The following PBRM1 variants were observed in gnomAD, a reference collection of about 807,000 sequenced individuals.
PBRM1 encodes the protein polybromo 1.
In PBRM1, 27 loss-of-function variants were observed where a neutral mutation model predicts 194.5. The observed-to-expected ratio is 0.14, with a 90% CI of 0.10 to 0.19. The LOEUF (loss-of-function observed/expected upper bound fraction) is 0.19. Ranked by LOEUF, PBRM1 falls within the 10% of genes least tolerant of loss-of-function variation. The probability of loss-of-function intolerance (pLI) is 1.00; values close to 1 mark genes in which losing one functional copy is unlikely to be tolerated. For synonymous variants in PBRM1, 655 were observed against 693.2 expected, an observed-to-expected ratio of 0.94 and a Z score of 0.87; for missense variants, 1,466 against 2,077.2, an observed-to-expected ratio of 0.71 and a Z score of 5.72.
intron 19 of PBRM1, 55 bp from the exon 22 acceptor site, chr3:52,586,743 TC>T: frequency 3.8e-5 from 9 of 236,656 alleles, no homozygotes; most frequent in South Asian, 1.7e-4. Flanking sequence ...TTTCTGAAAA[TC>T]AATCAAAAAA....
intron 14 of PBRM1, among the ~76,000 whole-genome samples, chr3:52,616,840 AATG>A (rs1429264702): frequency 3.3e-5 from 5 of 152,302 alleles, no homozygotes; most frequent in African/African-American, 1.2e-4. Flanking sequence ...GGATCGTAGT[AATG>A]ATGATGATGA....
intron 11 of PBRM1, 56 bp downstream of exon 12, chr3:52,634,546 G>A: frequency 8.8e-7 from 1 of 1,133,870 alleles, no homozygotes; most frequent in East Asian, 2.4e-5. Context: ...TACATTATGT[G>A]CAGGCTCAGC....
chr3:52,635,734 T>A (rs904334323), intron 10 of PBRM1, among the ~76,000 whole-genome samples: 4 of 152,238 alleles, frequency 2.6e-5, no homozygotes, highest in African/African-American at 9.6e-5. Context: ...TGAAATGTGC[T>A]TTCTTCAGAG....
chr3:52,648,490 C>T (rs900104724), intron 6 of PBRM1, 48 bp from the exon 8 acceptor site: 2 of 987,070 alleles, frequency 2.0e-6, no homozygotes, highest in African/African-American at 3.3e-5. Context: ...GAGAGTTCAT[C>T]AGTACAACCT....
chr3:52,575,563 G>A (rs2089291152), intron 22 of PBRM1, among the ~76,000 whole-genome samples: 1 of 112,890 alleles, frequency 8.9e-6, no homozygotes, highest in Admixed American at 1.1e-4. Context: ...ATCCAGGCTA[G>A]AGTGCAGTGG....
intron 20 of PBRM1, among the ~76,000 whole-genome samples, chr3:52,582,080 T>C (rs1164597504): frequency 6.0e-5 from 9 of 148,764 alleles, no homozygotes; most frequent in African/African-American, 2.2e-4. Flanking sequence ...CCGTCTCTAC[T>C]AAAAATACAA....
intron 5 of PBRM1, 102 bp from the exon 7 acceptor site, chr3:52,651,912 G>A (rs868340396): frequency 2.8e-6 from 2 of 715,394 alleles, no homozygotes; most frequent in Middle Eastern, 3.1e-4. Flanking sequence ...AACCAGTGAA[G>A]CAGCTTTGTG....
chr3:52,624,773 C>T (rs1336578558), intron 13 of PBRM1, 124 bp downstream of exon 15: 2 of 656,292 alleles, frequency 3.0e-6, no homozygotes, highest in Non-Finnish European at 2.7e-6. Flanking sequence ...ATAAAATAAA[C>T]TGGCACCCCA....
intron 1 of PBRM1, 94 bp downstream of exon 2, chr3:52,679,480 G>C (rs2097167639): frequency 9.1e-7 from 1 of 1,098,744 alleles, no homozygotes; most frequent in South Asian, 1.6e-5. Flanking sequence ...TAAAAAAGTG[G>C]AGATGCCTTG....
intron 13 of PBRM1, among the ~76,000 whole-genome samples, chr3:52,622,223 A>T (rs1045088454): frequency 6.6e-6 from 1 of 152,084 alleles, no homozygotes; most frequent in South Asian, 2.1e-4. Context: ...CCTGTATCCC[A>T]GCTACTTAGG....
chr3:52,568,994 C>G (rs2086196589), intron 22 of PBRM1, among the ~76,000 whole-genome samples: 1 of 152,040 alleles, frequency 6.6e-6, no homozygotes, highest in Admixed American at 6.6e-5. Context: ...CTCAAGCGAT[C>G]CTCACACCTC....
Position 52,624,812 on chromosome 3 carries a change from C to G in PBRM1, c.1541+2461G>C, listed in dbSNP as rs949215522. On this transcript the variant is annotated intron_variant, in intron 13 of 29. Transcript: ENST00000296302. ...AAGACTTTTTTTCACATGCTTAAGG[C>G]TTCACTTTTCACCTAATCAGTACTG... 8.9e-6 allele frequency: 8 copies of G among 896,372 alleles called. 1 individual carries two copies. The highest frequency in any genetic ancestry group is 1.5e-5 in the South Asian group (1 of 68,588). 55.5% of individuals were successfully genotyped at this position (896,372 alleles called of 1,614,324 possible).
At chr3:52,626,445 G>A (rs2095449329) in intron 13 of PBRM1, among the ~76,000 whole-genome samples, 1 of 152,188 alleles carries the variant, frequency 6.6e-6, no homozygotes, top group Admixed American at 6.5e-5. Context: ...AGTTACTAAA[G>A]ACTTCATTCA....
chr3:52,656,501 T>C (rs1238626528), intron 5 of PBRM1, among the ~76,000 whole-genome samples: 2 of 151,948 alleles, frequency 1.3e-5, no homozygotes, highest in Admixed American at 1.3e-4. Context: ...TTGTCTCTAC[T>C]AAAAAATACA....
At chr3:52,664,247 T>C (rs751394112) in intron 3 of PBRM1, among the ~76,000 whole-genome samples, 2 of 148,772 alleles carry the variant, frequency 1.3e-5, no homozygotes, top group Non-Finnish European at 3.0e-5. Context: ...AAAAAATAAA[T>C]AAATAAATAA....
chr3:52,642,227 T>C (rs1054260110), intron 9 of PBRM1, among the ~76,000 whole-genome samples, 182 bp from the exon 11 acceptor site: 2 of 152,170 alleles, frequency 1.3e-5, no homozygotes, highest in Admixed American at 1.3e-4. Context: ...GAGGAAACTA[T>C]TTTTTTCCTC....
At chr3:52,651,804 G>A in exon 6 of PBRM1, 1 of 1,600,014 alleles carries the variant, frequency 6.2e-7, no homozygotes, top group Non-Finnish European at 8.5e-7. Flanking sequence ...TAATAATCTG[G>A]ATATTGCTGG....
At chr3:52,548,416 G>T (rs893921219) in intron 29 of PBRM1, among the ~76,000 whole-genome samples, 181 bp from the exon 32 acceptor site, 4 of 151,782 alleles carry the variant, frequency 2.6e-5, no homozygotes, top group Non-Finnish European at 5.9e-5. Context: ...GGCACTAAAA[G>T]ATTTGATCAT....
chr3:52,667,859 A>G (rs936493522), intron 3 of PBRM1, among the ~76,000 whole-genome samples: 6 of 151,680 alleles, frequency 4.0e-5, no homozygotes, highest in Non-Finnish European at 8.8e-5. Context: ...CAGGAGTTTG[A>G]GACCAGCCTG....
Sources: gnomAD v4.1 joint callset for allele counts (sites outside exome capture counted in the v4.1 genomes callset) on GRCh38, gnomAD v4.1.1 for gene constraint, MANE v1.5 for transcripts, NCBI Gene and HGNC (gene_info 2026-07-23, HGNC 2026-07-21) for gene names.